TENM4: variants seen among roughly 807,000 people sequenced by gnomAD.
TENM4 encodes teneurin transmembrane protein 4.
TENM4 carries 82 observed loss-of-function variants against 243.3 expected under a neutral mutation model. The observed-to-expected ratio is 0.34, with a 90% CI of 0.28 to 0.40. The LOEUF is 0.40. TENM4 is among the 10% of genes least tolerant of loss of function. The probability of loss-of-function intolerance (pLI) is 1.00; values close to 1 mark genes in which losing one functional copy is unlikely to be tolerated. For missense variants in TENM4, 3,138 were observed against 3,673.3 expected (o/e 0.85, Z 3.77); for synonymous variants, 1,412 against 1,456.3 (o/e 0.97, Z 0.69).
intron 1 of TENM4, among the ~76,000 whole-genome samples, chr11:79,374,686 T>G (rs1173389502): frequency 6.6e-6 from 1 of 152,252 alleles, no homozygotes; most frequent in Non-Finnish European, 1.5e-5. Context: ...GATCCTAGTT[T>G]TTTCACAGGC....
At chr11:79,122,941 G>A (rs1861772676) in intron 4 of TENM4, among the ~76,000 whole-genome samples, 1 of 152,230 alleles carries the variant, frequency 6.6e-6, no homozygotes, top group Non-Finnish European at 1.5e-5. Flanking sequence ...CAGCCTGCAT[G>A]GTTAAGCACC....
intron 3 of TENM4, among the ~76,000 whole-genome samples, chr11:79,169,729 G>A (rs1404187680): frequency 1.3e-5 from 2 of 152,208 alleles, no homozygotes; most frequent in South Asian, 2.1e-4. Flanking sequence ...ACACTTATCA[G>A]TCAGCAAAAG....
At chr11:79,379,220 G>A (rs1431239040) in intron 1 of TENM4, among the ~76,000 whole-genome samples, 2 of 152,220 alleles carry the variant, frequency 1.3e-5, no homozygotes, top group African/African-American at 4.8e-5. Context: ...AGGTCAGAGT[G>A]CCTGGAGCAG....
chr11:79,401,855 G>C (rs1417643493), intron 1 of TENM4, among the ~76,000 whole-genome samples: 1 of 152,184 alleles, frequency 6.6e-6, no homozygotes, highest in Non-Finnish European at 1.5e-5. Flanking sequence ...CAGTGCTGTG[G>C]AGCATTCCAC....
At chr11:79,405,739 CTCTTA>C (rs1858553130) in intron 1 of TENM4, among the ~76,000 whole-genome samples, 1 of 149,830 alleles carries the variant, frequency 6.7e-6, no homozygotes, top group Non-Finnish European at 1.5e-5. Context: ...TCATAACTAA[CTCTTA>C]TCTTAATGTG....
chr11:78,967,367 C>A (rs1857458731), intron 6 of TENM4, among the ~76,000 whole-genome samples: 1 of 152,080 alleles, frequency 6.6e-6, no homozygotes, highest in Admixed American at 6.5e-5. Context: ...GATTATGGCA[C>A]AAAAGTCTAT....
rs77448684 is a variant in TENM4, at chr11:79,064,648, G to T, written c.493+90C>A. On this transcript the variant is annotated intron_variant, in intron 6 of 33. Transcript: ENST00000278550. ...GCAATTTTTCACCAACTTCACCAGA[G>T]CCCCGGCAGTGGAGCAGGAAATCAA... The T allele has an allele frequency of 5.6e-4, 836 of 1,495,202 alleles. 3 individuals are homozygous for T. The African/African-American group carries it at 0.011, about 19-fold the overall frequency. 92.6% of individuals were successfully genotyped at this position (1,495,202 alleles called of 1,614,324 possible). A position where few individuals can be genotyped will look rare whatever the true frequency, so the allele number is the denominator to read the frequency against.
chr11:79,193,729 T>C (rs974277470), intron 3 of TENM4, among the ~76,000 whole-genome samples: 44 of 152,180 alleles, frequency 2.9e-4, no homozygotes, highest in Admixed American at 2.7e-3. Context: ...GGCAGATGGG[T>C]TCTTCTCTCC....
chr11:78,781,910 C>T (rs1303113688), intron 16 of TENM4, among the ~76,000 whole-genome samples: 11 of 152,192 alleles, frequency 7.2e-5, no homozygotes, highest in African/African-American at 2.4e-4. Context: ...CACCCCACCA[C>T]GTGTGGGCTG....
rs545855035 is a variant in TENM4 at position 79,214,861 on chromosome 11, G to A, written c.-163+947C>T. On this transcript the variant is annotated intron_variant, in intron 3 of 33. Coordinates refer to ENST00000278550, the MANE Select transcript of TENM4 (RefSeq NM_001098816.3). ...GAGATTTCATCAGCCTGGTCGCTAA[G>A]TCACTAGGTAGAGCAAAGCTTTCTA... Among the ~76,000 whole-genome samples the A allele has an allele frequency of 5.3e-5, 8 of 152,376 alleles. No individual in the cohort carries two copies. The South Asian group carries it at 1.4e-3, about 28-fold the overall frequency.
At chr11:78,785,390 G>T (rs1856914595) in intron 16 of TENM4, among the ~76,000 whole-genome samples, 1 of 152,158 alleles carries the variant, frequency 6.6e-6, no homozygotes, top group Non-Finnish European at 1.5e-5. Flanking sequence ...CAGCTGCCAC[G>T]ACAGGGCACA....
At chr11:79,398,832 A>C (rs1858400329) in intron 1 of TENM4, among the ~76,000 whole-genome samples, 1 of 150,136 alleles carries the variant, frequency 6.7e-6, no homozygotes, top group African/African-American at 2.5e-5. Flanking sequence ...GCCCAAGTAG[A>C]GGCTGGTAGA....
intron 4 of TENM4, chr11:79,096,765 G>A (rs1264382561): frequency 6.6e-6 from 1 of 152,588 alleles, no homozygotes; most frequent in Non-Finnish European, 1.5e-5. Context: ...CTGCTCCTTG[G>A]AATATTCTGG....
chr11:78,800,481 G>A (rs546837493), intron 15 of TENM4, among the ~76,000 whole-genome samples: 2 of 152,268 alleles, frequency 1.3e-5, no homozygotes, highest in Admixed American at 1.3e-4. Context: ...GGGAGGGAAG[G>A]GGTTTATGAG....
rs189293096 is a variant in TENM4, at chr11:78,882,850, C to T, written c.1084+6935G>A. On this transcript the variant is annotated intron_variant, in intron 9 of 33. Coordinates refer to ENST00000278550, the MANE Select transcript of TENM4 (RefSeq NM_001098816.3). ...TCAGTTATAAATTAAACTATCACCACTTCAAGCAAGGGTTCTGATTTTTTT... is the reference window on the plus strand; with the variant it reads ...TCAGTTATAAATTAAACTATCACCATTTCAAGCAAGGGTTCTGATTTTTTT... Among the ~76,000 whole-genome samples, 5 of 152,358 alleles carry T rather than the reference C, an allele frequency of 3.3e-5. No homozygotes were observed. In the East Asian group the frequency reaches 7.7e-4, roughly 23 times the overall value.
At chr11:78,978,347 TAAGAA>T (rs61346145) in intron 6 of TENM4, among the ~76,000 whole-genome samples, 19,681 of 137,818 alleles carry the variant, frequency 0.14, 1,707 homozygotes, top group African/African-American at 0.25. Flanking sequence ...GAACTTAAAG[TAAGAA>T]AAGAAAAGAA....
chr11:79,344,993 A>G (rs907632376), intron 1 of TENM4, among the ~76,000 whole-genome samples: 2 of 152,054 alleles, frequency 1.3e-5, no homozygotes, highest in Non-Finnish European at 2.9e-5. Context: ...TTTTCAGCCC[A>G]TCTTTCTTCC....
chr11:78,662,042 C>T (rs374236533), intron 32 of TENM4, among the ~76,000 whole-genome samples: 16 of 152,266 alleles, frequency 1.1e-4, no homozygotes, highest in East Asian at 9.7e-4. Context: ...CCTGCTCTCC[C>T]ACCCTCCTGT....
intron 16 of TENM4, 119 bp from the exon 17 acceptor site, chr11:78,778,747 C>A: frequency 1.2e-6 from 1 of 867,708 alleles, no homozygotes; most frequent in Non-Finnish European, 1.8e-6. Context: ...TTGGGACAGG[C>A]CTATGCCATG....
Sources: allele counts gnomAD v4.1 joint callset (sites outside exome capture counted in the v4.1 genomes callset), GRCh38; gene constraint gnomAD v4.1.1; transcripts MANE v1.5; gene names NCBI Gene and HGNC (gene_info 2026-07-23, HGNC 2026-07-21).